Variants in TRIM24 observed in about 807,000 individuals in gnomAD.
The protein encoded by TRIM24 is transcription intermediary factor 1-alpha.
A neutral mutation model predicts 123.9 loss-of-function variants in TRIM24; 29 were observed. That is an observed-to-expected ratio of 0.23 (90% CI 0.17 to 0.32). The LOEUF is 0.32. TRIM24 is among the 10% of genes least tolerant of loss of function. The pLI is 1.00. For missense variants in TRIM24, 932 were observed against 1,295.3 expected (o/e 0.72, Z 4.31); for synonymous variants, 456 against 461.1 (o/e 0.99, Z 0.14).
chr7:138,546,908 C>T (rs927931280), intron 7 of TRIM24, among the ~76,000 whole-genome samples: 1 of 152,102 alleles, frequency 6.6e-6, no homozygotes, highest in East Asian at 1.9e-4. Flanking sequence ...ATAGAAGTAT[C>T]ATGATCCAGC....
At chr7:138,584,533 T>G (rs1267191455) in intron 18 of TRIM24, among the ~76,000 whole-genome samples, 1 of 152,244 alleles carries the variant, frequency 6.6e-6, no homozygotes, top group Non-Finnish European at 1.5e-5. Context: ...CACCTTCTTT[T>G]AGAATAATCC....
At chr7:138,537,380 T>TTG (rs1563051824) in intron 6 of TRIM24, among the ~76,000 whole-genome samples, 1 of 46,428 alleles carries the variant, frequency 2.2e-5, no homozygotes, top group Non-Finnish European at 4.7e-5. Context: ...CCCCTGTTTG[T>TTG]TTTTTTTTTT....
At position 138,546,060 on chromosome 7, in the gene TRIM24, A is replaced by G. The variant is rs182282063; in HGVS notation, c.1144-5003A>G. On this transcript the variant is annotated intron_variant, in intron 7 of 18. Transcript: ENST00000343526. ...GGAGGACTAATTAGTGGCTGTAAAT[A>G]TGCTGGGTAGAGGACTGATGGGGAA... Among the ~76,000 whole-genome samples, 109 of 152,336 alleles carry G rather than the reference A, an allele frequency of 7.2e-4. 1 individual carries two copies. In the East Asian group the frequency reaches 0.016, roughly 23 times the overall value.
intron 12 of TRIM24, among the ~76,000 whole-genome samples, 195 bp from the exon 13 acceptor site, chr7:138,576,178 A>G (rs1046360243): frequency 3.3e-5 from 5 of 152,208 alleles, no homozygotes; most frequent in Non-Finnish European, 7.3e-5. Flanking sequence ...CCAAAAGTCA[A>G]TAGTGCAGAG....
intron 4 of TRIM24, 50 bp from the exon 5 acceptor site, chr7:138,525,190 CT>C (rs1446148711): frequency 3.6e-6 from 3 of 842,506 alleles, no homozygotes; most frequent in Non-Finnish European, 1.8e-6. Context: ...TATTCTTGGA[CT>C]TTTTCCTCAT....
chr7:138,567,625 G>A lies in TRIM24; in HGVS notation c.1675G>A (p.Ala559Thr). ...AATAAAGCCAAACCCCCTACAGATGGCTTTCTTGGCTCAACAAGCCATAAA... is the reference window on the plus strand; with the variant it reads ...AATAAAGCCAAACCCCCTACAGATGACTTTCTTGGCTCAACAAGCCATAAA... ...QAIKPNPLQMAFLAQQAIKQW... is the reference protein window; with the variant it reads ...QAIKPNPLQMTFLAQQAIKQW... The change falls in exon 10 of 19, where the codon GCT becomes ACT. Residue 559 changes from alanine (A) to threonine (T), a missense_variant. This residue lies in a region of TRIM24 where 527 missense variants were observed against 691.3 expected (regional missense o/e 0.76). Coordinates refer to ENST00000343526, the MANE Select transcript of TRIM24 (RefSeq NM_015905.3). 6.2e-7 allele frequency: 1 copy of A among 1,611,202 alleles called. No homozygotes were observed. The highest frequency in any genetic ancestry group is 8.5e-7 in the Non-Finnish European group (1 of 1,178,856).
chr7:138,521,470 T>C (rs1373695036), intron 4 of TRIM24, among the ~76,000 whole-genome samples: 2 of 152,132 alleles, frequency 1.3e-5, no homozygotes, highest in Non-Finnish European at 2.9e-5. Context: ...GTACATATAA[T>C]TACCAAGGTG....
intron 1 of TRIM24, among the ~76,000 whole-genome samples, chr7:138,488,705 C>T (rs1242563127): frequency 6.6e-6 from 1 of 152,142 alleles, no homozygotes; most frequent in Non-Finnish European, 1.5e-5. Context: ...GCACAGTGGT[C>T]TGTGAGACAG....
In TRIM24 at chr7:138,501,625, C is replaced by T. The variant is rs184153031; in HGVS notation, c.365-2665C>T. 2.3e-3 allele frequency among the ~76,000 whole-genome samples: 354 copies of T among 152,084 alleles called. 2 individuals are homozygous for T. The highest frequency in any genetic ancestry group is 7.8e-3 in the African/African-American group (323 of 41,500). On this transcript the variant is annotated intron_variant, in intron 1 of 18. Transcript: ENST00000343526. ...GGCAGTGGCCAGGCGTGGTGGGTCA[C>T]GCCTGTAATCCCAGCACTTTGGGAG...
In TRIM24 at chr7:138,558,635, A is replaced by T. The variant is rs1457237748; in HGVS notation, c.1530+3669A>T. 2.0e-5 allele frequency among the ~76,000 whole-genome samples: 3 copies of T among 152,230 alleles called. No homozygotes were observed. In the South Asian group the frequency reaches 6.2e-4, roughly 32 times the overall value. ...GGATGTGCTCATAGAATGACTCAAA[A>T]ACTCGGAACTGTTGGGTTGAATCGG... On this transcript the variant is annotated intron_variant, in intron 9 of 18. Coordinates refer to ENST00000343526, the MANE Select transcript of TRIM24 (RefSeq NM_015905.3).
chr7:138,460,978 G>GCCGC, intron 1 of TRIM24, 66 bp downstream of exon 1: 1 of 1,333,772 alleles, frequency 7.5e-7, no homozygotes, highest in South Asian at 1.8e-5. Flanking sequence ...GCGCCCTTGT[G>GCCGC]CGGCGCGACC....
chr7:138,484,314 G>C (rs994978803), intron 1 of TRIM24, among the ~76,000 whole-genome samples: 10 of 151,576 alleles, frequency 6.6e-5, no homozygotes, highest in Admixed American at 6.6e-4. Context: ...TCACCATGTT[G>C]GTCAGACTGG....
chr7:138,466,963 A>G (rs1316463181), intron 1 of TRIM24, among the ~76,000 whole-genome samples: 1 of 152,042 alleles, frequency 6.6e-6, no homozygotes, highest in Non-Finnish European at 1.5e-5. Context: ...TTTGTGAGTT[A>G]TTTTTTGTGT....
At chr7:138,509,928 G>A (rs1206155369) in intron 2 of TRIM24, among the ~76,000 whole-genome samples, 3 of 152,198 alleles carry the variant, frequency 2.0e-5, no homozygotes, top group Non-Finnish European at 4.4e-5. Flanking sequence ...CATCTTGGCT[G>A]GTGATGGGGT....
chr7:138,506,702 T>C (rs898991504), intron 2 of TRIM24, among the ~76,000 whole-genome samples: 1 of 152,158 alleles, frequency 6.6e-6, no homozygotes, highest in Admixed American at 6.6e-5. Flanking sequence ...CACAGAAACA[T>C]AGTAGGAAGA....
At position 138,460,441 on chromosome 7, in the gene TRIM24, G is replaced by C; in HGVS notation, c.-108G>C. 8.6e-7 allele frequency: 1 copy of C among 1,158,320 alleles called. No individual in the cohort carries two copies. Among genetic ancestry groups the C allele is most frequent in the Non-Finnish European group, 1.1e-6 (1 of 918,558 alleles). The allele number at this position is 1,158,320 out of a possible 1,614,324, so 71.8% of individuals were successfully genotyped here. On this transcript the variant is annotated 5_prime_UTR_variant, in exon 1 of 19. Transcript: ENST00000343526. ...CCCTCCCTCGCTGGCGCTGCCGCGA[G>C]TCCACCGAGCGGCCTCTGAGGAGCA... is the stretch of plus-strand genomic sequence containing the variant.
chr7:138,481,829 A>G (rs1456322810), intron 1 of TRIM24, among the ~76,000 whole-genome samples: 1 of 152,136 alleles, frequency 6.6e-6, no homozygotes, highest in Non-Finnish European at 1.5e-5. Flanking sequence ...AAAAGAAAAA[A>G]GAAAATATTT....
intron 8 of TRIM24, among the ~76,000 whole-genome samples, chr7:138,552,531 C>T (rs1405838179): frequency 1.3e-5 from 2 of 151,732 alleles, no homozygotes; most frequent in Non-Finnish European, 2.9e-5. Flanking sequence ...TATCAACAAA[C>T]AATATTATCT....
intron 1 of TRIM24, among the ~76,000 whole-genome samples, chr7:138,466,514 G>A (rs1432265182): frequency 1.7e-5 from 2 of 114,902 alleles, no homozygotes; most frequent in Admixed American, 1.3e-4. Flanking sequence ...GCCCATACTG[G>A]AGTGCAGTGG....
Sources: gnomAD v4.1 joint callset for allele counts (sites outside exome capture counted in the v4.1 genomes callset) on GRCh38, gnomAD v4.1.1 for gene constraint, gnomAD v4.1.1 regional missense constraint, MANE v1.5 for transcripts, NCBI Gene and HGNC (gene_info 2026-07-23, HGNC 2026-07-21) for gene names.